TSHZ2: variants seen among roughly 807,000 people sequenced by gnomAD.
The protein encoded by TSHZ2 is teashirt homolog 2.
A neutral mutation model predicts 74.4 loss-of-function variants in TSHZ2; 21 were observed. That is an observed-to-expected ratio of 0.28 (90% confidence interval 0.20 to 0.41). TSHZ2 has a LOEUF of 0.41. Ranked by LOEUF, TSHZ2 falls within the 10% of genes least tolerant of loss-of-function variation. The probability of loss-of-function intolerance (pLI) is 1.00; values close to 1 mark genes in which losing one functional copy is unlikely to be tolerated. For missense variants in TSHZ2, 1,244 were observed against 1,293.5 expected (o/e 0.96, Z 0.59); for synonymous variants, 540 against 515.3 (o/e 1.05, Z -0.65).
chr20:52,989,185 A>G (rs1022205996), intron 1 of TSHZ2, among the ~76,000 whole-genome samples: 1 of 150,222 alleles, frequency 6.7e-6, no homozygotes, highest in Non-Finnish European at 1.5e-5. Context: ...AAAAAAATCA[A>G]TTGTTTTTAG....
rs142111177 is a variant in TSHZ2 at position 53,280,665 on chromosome 20, T to TTTG, written c.*8+24111_*8+24113dup. Among the ~76,000 whole-genome samples, 46 of 140,730 alleles carry TTTG rather than the reference T, an allele frequency of 3.3e-4. No homozygotes were observed. In the South Asian group the frequency reaches 8.8e-3, roughly 27 times the overall value. 92.3% of individuals were successfully genotyped at this position (140,730 alleles called of 152,430 possible). A position where few individuals can be genotyped will look rare whatever the true frequency, so the allele number is the denominator to read the frequency against. ...TTTTTGTTTGTTTGTTTGTTTGTTT[T>TTTG]TTGTTGTTGTTGTTGTTGTGTGTGG... is the stretch of plus-strand genomic sequence containing the variant. On this transcript the variant is annotated intron_variant, in intron 2 of 2. Transcript: ENST00000371497.
intron 1 of TSHZ2, among the ~76,000 whole-genome samples, chr20:53,246,917 A>C (rs73272888): frequency 0.016 from 2,401 of 152,362 alleles, 68 homozygotes; most frequent in African/African-American, 0.055. Context: ...GTACATGTAA[A>C]GCATTCCAAT....
At chr20:53,322,732 T>G (rs1979323077) in intron 2 of TSHZ2, among the ~76,000 whole-genome samples, 1 of 152,158 alleles carries the variant, frequency 6.6e-6, no homozygotes, top group African/African-American at 2.4e-5. Context: ...GCCTTGTGTT[T>G]CTAGGCCTGG....
intron 1 of TSHZ2, among the ~76,000 whole-genome samples, chr20:52,982,378 T>C (rs1981599864): frequency 6.6e-6 from 1 of 152,222 alleles, no homozygotes; most frequent in Non-Finnish European, 1.5e-5. Flanking sequence ...TCTCCCCCTG[T>C]GTCTATTGTG....
At chr20:53,004,943 C>T (rs922350331) in intron 1 of TSHZ2, among the ~76,000 whole-genome samples, 2 of 152,098 alleles carry the variant, frequency 1.3e-5, no homozygotes, top group African/African-American at 2.4e-5. Flanking sequence ...GACCAAACAG[C>T]CAGTAAGTGA....
At chr20:53,454,312 C>A (rs1984955945) in intron 2 of TSHZ2, among the ~76,000 whole-genome samples, 1 of 152,052 alleles carries the variant, frequency 6.6e-6, no homozygotes, top group South Asian at 2.1e-4. Context: ...ACCTGTAATC[C>A]CAGCACTTTG....
intron 2 of TSHZ2, among the ~76,000 whole-genome samples, chr20:53,432,495 G>A (rs936978932): frequency 1.3e-5 from 2 of 152,150 alleles, no homozygotes; most frequent in Admixed American, 1.3e-4. Context: ...ACCTAGTAGT[G>A]GGATTCTTGG....
At chr20:53,460,726 G>C (rs1182409145) in intron 2 of TSHZ2, among the ~76,000 whole-genome samples, 1 of 152,130 alleles carries the variant, frequency 6.6e-6, no homozygotes, top group South Asian at 2.1e-4. Flanking sequence ...ATGGGTTTTT[G>C]GTGTGGATGT....
intron 1 of TSHZ2, among the ~76,000 whole-genome samples, chr20:53,001,020 G>T (rs1377695259): frequency 6.6e-6 from 1 of 152,158 alleles, no homozygotes; most frequent in Admixed American, 6.5e-5. Flanking sequence ...TCAGCCAGGA[G>T]TGGAAGAGGG....
intron 1 of TSHZ2, among the ~76,000 whole-genome samples, chr20:53,111,080 G>A (rs1032866806): frequency 1.3e-5 from 2 of 152,148 alleles, no homozygotes; most frequent in Non-Finnish European, 2.9e-5. Flanking sequence ...AGGAGCCCAG[G>A]CAGGAGATAA....
intron 1 of TSHZ2, among the ~76,000 whole-genome samples, chr20:53,160,276 G>A (rs1027428026): frequency 2.0e-5 from 3 of 152,136 alleles, no homozygotes; most frequent in African/African-American, 7.2e-5. Context: ...GGCTAAAGGG[G>A]GTGGTAGTTT....
intron 2 of TSHZ2, among the ~76,000 whole-genome samples, chr20:53,321,967 T>C (rs200646): frequency 0.51 from 76,998 of 151,772 alleles, 19,916 homozygotes; most frequent in Non-Finnish European, 0.56. Context: ...TTTCATTAAC[T>C]GGCTTAAGTC....
At position 53,254,985 on chromosome 20, in the gene TSHZ2, C is replaced by G. The variant is rs772571554; in HGVS notation, c.1527C>G (p.Gly509=). The G allele has an allele frequency of 6.2e-7, 1 of 1,614,152 alleles. No homozygotes were observed. The highest frequency in any genetic ancestry group is 2.2e-5 in the East Asian group (1 of 44,882). The change falls in exon 2 of 3, where the codon GGC becomes GGG. Residue 509 remains glycine, a synonymous_variant. Coordinates refer to ENST00000371497, the MANE Select transcript of TSHZ2 (RefSeq NM_173485.6). The stretch of plus-strand genomic sequence containing the variant: ...TAAGGGAGGAAGACTTGGAAGATGG[C>G]TCAAAGGGTGGAGGGGACATTTTGA... ...QYLREEDLED[G]SKGGGDILKS...
chr20:53,326,571 GC>G (rs899372140), intron 2 of TSHZ2, among the ~76,000 whole-genome samples: 1 of 152,026 alleles, frequency 6.6e-6, no homozygotes, highest in African/African-American at 2.4e-5. Context: ...CCTCTAGAAA[GC>G]CCCCCCGGCA....
rs2275005 is a variant in TSHZ2 at position 53,491,926 on chromosome 20, G to A, written c.*4791G>A. ...TTAAAATACAGGCTGTTTGAAAAAA[G>A]ACAGATTAAATATTCACAGCCTTTG... On this transcript the variant is annotated 3_prime_UTR_variant, in exon 3 of 3. Transcript: ENST00000371497. The A allele has an allele frequency of 6.6e-6, 1 of 152,052 alleles. No individual in the cohort carries two copies. Among genetic ancestry groups the A allele is most frequent in the South Asian group, 2.1e-4 (1 of 4,824 alleles). 9.4% of individuals were successfully genotyped at this position (152,052 alleles called of 1,614,324 possible).
chr20:53,474,834 C>CA (rs1319212893), intron 2 of TSHZ2, among the ~76,000 whole-genome samples: 8 of 141,230 alleles, frequency 5.7e-5, no homozygotes, highest in Admixed American at 3.5e-4. Flanking sequence ...AAATGGAAAA[C>CA]AAAAAAAGGC....
chr20:53,392,916 C>T (rs906022595), intron 2 of TSHZ2, among the ~76,000 whole-genome samples: 6 of 152,166 alleles, frequency 3.9e-5, no homozygotes, highest in Non-Finnish European at 7.4e-5. Context: ...CTCATTCAAC[C>T]TCCACCTCCC....
intron 1 of TSHZ2, among the ~76,000 whole-genome samples, chr20:53,209,324 T>TAATCCACCTGCCTCAGCC: frequency 6.6e-6 from 1 of 152,104 alleles, no homozygotes. Flanking sequence ...TGACCTCAGG[T>TAATCCACCTGCCTCAGCC]AATCCACCTG....
At position 53,255,512 on chromosome 20, in the gene TSHZ2, A is replaced by G. The variant is rs200539548; in HGVS notation, c.2054A>G (p.His685Arg). Residue 685 changes from histidine (H) to arginine (R), a missense_variant, in exon 2 of 3, where the codon CAC becomes CGC. By Grantham distance (29) the His-to-Arg change is conservative (BLOSUM62 0). Coordinates refer to ENST00000371497, the MANE Select transcript of TSHZ2 (RefSeq NM_173485.6). The surrounding 1 kb of genome is among the most constrained non-coding windows in gnomAD (Gnocchi z 4.1). ...ALSNGCALANHAPALPCINPL... is the reference protein window; with the variant it reads ...ALSNGCALANRAPALPCINPL... ...AGCAATGGGTGCGCCCTCGCCAACC[A>G]CGCCCCGGCCCTGCCATGCATCAAC... 7 of 1,589,998 alleles carry G rather than the reference A, an allele frequency of 4.4e-6. No homozygotes were observed. The highest frequency in any genetic ancestry group is 1.8e-5 in the Admixed American group (1 of 56,704).
Sources: allele counts gnomAD v4.1 joint callset (sites outside exome capture counted in the v4.1 genomes callset), GRCh38; gene constraint gnomAD v4.1.1; non-coding constraint Gnocchi (gnomAD v3.1); transcripts MANE v1.5; gene names NCBI Gene and HGNC (gene_info 2026-07-23, HGNC 2026-07-21).